Variants in HDAC9 observed in about 807,000 individuals in gnomAD.
HDAC9 encodes the protein MEF-2 interacting transcription repressor (MITR) protein.
Under a neutral mutation model 139.4 loss-of-function variants are expected in HDAC9, and 41 were observed. The observed-to-expected ratio is 0.29, with a 90% CI of 0.23 to 0.38. The LOEUF is 0.38. Among genes scored for constraint, HDAC9 ranks in the 10% least tolerant of loss-of-function variants. The pLI is 1.00. For missense variants in HDAC9, 1,147 were observed against 1,297.0 expected (o/e 0.88, Z 1.78); for synonymous variants, 517 against 476.2 (o/e 1.09, Z -1.12).
At chr7:18,366,664 G>T (rs1263986976) in intron 1 of HDAC9, among the ~76,000 whole-genome samples, 1 of 152,040 alleles carries the variant, frequency 6.6e-6, no homozygotes, top group East Asian at 1.9e-4. Context: ...ACTGACAGAT[G>T]ACATTTTTTT....
chr7:18,980,673 GTTCTTGTTC>G (rs540956604), intron 25 of HDAC9, among the ~76,000 whole-genome samples: 4,770 of 85,788 alleles, frequency 0.056, 137 homozygotes, highest in South Asian at 0.1. Flanking sequence ...TGTTCTTCTT[GTTCTTGTTC>G]TTCTTGTTCT....
chr7:18,421,606 A>G (rs1311758626), intron 1 of HDAC9, among the ~76,000 whole-genome samples: 1 of 152,202 alleles, frequency 6.6e-6, no homozygotes, highest in African/African-American at 2.4e-5. Context: ...TGAAGCTGGG[A>G]GACAGATTCA....
chr7:18,444,112 G>A (rs1792062261), intron 1 of HDAC9, among the ~76,000 whole-genome samples: 1 of 151,776 alleles, frequency 6.6e-6, no homozygotes, highest in African/African-American at 2.4e-5. Context: ...GCCAAGGTGG[G>A]TTGATCACCT....
intron 25 of HDAC9, among the ~76,000 whole-genome samples, chr7:18,979,670 T>G (rs1784770044): frequency 6.6e-6 from 1 of 152,180 alleles, no homozygotes; most frequent in African/African-American, 2.4e-5. Flanking sequence ...GGCATCTGCT[T>G]GGCTTCTCCA....
At chr7:18,385,514 GT>G (rs1315588263) in intron 1 of HDAC9, among the ~76,000 whole-genome samples, 2 of 152,140 alleles carry the variant, frequency 1.3e-5, no homozygotes. Context: ...ACATTGTATT[GT>G]TTTCTGGTCT....
intron 23 of HDAC9, among the ~76,000 whole-genome samples, chr7:18,941,489 G>T (rs1004980120): frequency 9.9e-5 from 15 of 152,112 alleles, no homozygotes; most frequent in Admixed American, 9.8e-4. Flanking sequence ...CTCATCAGGG[G>T]TTTGTTTTCA....
chr7:18,328,210 G>C (rs1186060762), intron 1 of HDAC9, among the ~76,000 whole-genome samples: 1 of 151,960 alleles, frequency 6.6e-6, no homozygotes, highest in Non-Finnish European at 1.5e-5. Context: ...GATCACAGGA[G>C]ATGTCAGCTG....
intron 2 of HDAC9, among the ~76,000 whole-genome samples, chr7:18,228,901 T>A (rs1465253309): frequency 6.6e-6 from 1 of 152,154 alleles, no homozygotes; most frequent in Non-Finnish European, 1.5e-5. Flanking sequence ...TGTGAGCCTG[T>A]CATTCTGAAA....
intron 6 of HDAC9, among the ~76,000 whole-genome samples, chr7:18,617,252 A>G (rs1298338029): frequency 6.6e-6 from 1 of 152,070 alleles, no homozygotes; most frequent in Non-Finnish European, 1.5e-5. Context: ...ACCCTCTAAA[A>G]GAGCCATTTA....
intron 1 of HDAC9, among the ~76,000 whole-genome samples, chr7:18,291,915 C>T (rs1419616836): frequency 1.3e-5 from 2 of 152,022 alleles, no homozygotes; most frequent in African/African-American, 2.4e-5. Flanking sequence ...TTTGGAGGGG[C>T]GCTGCAGTTG....
intron 1 of HDAC9, among the ~76,000 whole-genome samples, chr7:18,109,397 G>T (rs1482926717): frequency 6.6e-6 from 1 of 152,202 alleles, no homozygotes; most frequent in East Asian, 1.9e-4. Context: ...TTTGGTGTCA[G>T]TGTAGTTTCT....
At chr7:18,956,523 T>TGAATAAC (rs1783161009) in intron 24 of HDAC9, among the ~76,000 whole-genome samples, 1 of 151,974 alleles carries the variant, frequency 6.6e-6, no homozygotes, top group African/African-American at 2.4e-5. Flanking sequence ...AGGTAGGACT[T>TGAATAAC]GAATAACTCT....
At chr7:18,793,172 G>T in intron 16 of HDAC9, 173 bp from the exon 17 acceptor site, 1 of 594,680 alleles carries the variant, frequency 1.7e-6, no homozygotes, top group Non-Finnish European at 3.0e-6. Context: ...TGGCCAAGAC[G>T]GAAGACTAAT....
intron 1 of HDAC9, among the ~76,000 whole-genome samples, chr7:18,455,260 T>C (rs1009856039): frequency 1.3e-5 from 2 of 152,090 alleles, no homozygotes; most frequent in African/African-American, 2.4e-5. Context: ...TAAGTTCAAG[T>C]TGATATTTGA....
intron 12 of HDAC9, among the ~76,000 whole-genome samples, chr7:18,691,312 A>T (rs926239905): frequency 1.3e-5 from 2 of 152,074 alleles, no homozygotes; most frequent in Non-Finnish European, 2.9e-5. Flanking sequence ...ATTAATGCTA[A>T]CAGACAATAA....
intron 2 of HDAC9, among the ~76,000 whole-genome samples, chr7:18,163,065 A>G (rs1181354333): frequency 6.6e-6 from 1 of 152,316 alleles, no homozygotes; most frequent in East Asian, 1.9e-4. Flanking sequence ...TTATTTCTTT[A>G]TAGATTCCTT....
At chr7:18,593,070 A>G (rs1831440963) in intron 5 of HDAC9, among the ~76,000 whole-genome samples, 1 of 152,106 alleles carries the variant, frequency 6.6e-6, no homozygotes, top group Admixed American at 6.6e-5. Flanking sequence ...ACCACAAACG[A>G]TTAATTTATA....
intron 1 of HDAC9, among the ~76,000 whole-genome samples, chr7:18,133,681 AT>A (rs1785180317): frequency 6.6e-6 from 1 of 152,130 alleles, no homozygotes; most frequent in South Asian, 2.1e-4. Flanking sequence ...TGCATTTAAA[AT>A]GGCACTTGAG....
At chr7:18,823,629 T>C (rs542765719) in intron 17 of HDAC9, among the ~76,000 whole-genome samples, 2 of 152,182 alleles carry the variant, frequency 1.3e-5, no homozygotes, top group African/African-American at 2.4e-5. Flanking sequence ...TATGAGGAGA[T>C]GATAAGGATC....
Sources: allele counts gnomAD v4.1 joint callset (sites outside exome capture counted in the v4.1 genomes callset), GRCh38; gene constraint gnomAD v4.1.1; transcripts MANE v1.5; gene names NCBI Gene and HGNC (gene_info 2026-07-23, HGNC 2026-07-21).